The following ASXL2 variants were observed in gnomAD, a reference collection of about 807,000 sequenced individuals.
The protein encoded by ASXL2 is ASXL transcriptional regulator 2.
In ASXL2, 23 loss-of-function variants were observed where a neutral mutation model predicts 122.0. The ratio of observed to expected loss-of-function variants is 0.19; its 90% CI spans 0.14 to 0.27. The LOEUF (loss-of-function observed/expected upper bound fraction) is 0.27, where lower values mean the gene tolerates loss of function less well. Ranked by LOEUF, ASXL2 falls within the 10% of genes least tolerant of loss-of-function variation. The pLI, the probability that ASXL2 is intolerant of heterozygous loss-of-function variation, is 1.00. For synonymous variants in ASXL2, 650 were observed against 637.0 expected, an observed-to-expected ratio of 1.02 and a Z score of -0.31; for missense variants, 1,518 against 1,713.8, an observed-to-expected ratio of 0.89 and a Z score of 2.02.
At chr2:25,845,344 C>A in intron 2 of ASXL2, 137 bp downstream of exon 2, 1 of 1,371,756 alleles carries the variant, frequency 7.3e-7, no homozygotes, top group Non-Finnish European at 9.9e-7. Flanking sequence ...TAAAAAATGC[C>A]AAAGATCTGA....
At chr2:25,767,442 A>T in intron 8 of ASXL2, 141 bp downstream of exon 8, 1 of 835,196 alleles carries the variant, frequency 1.2e-6, no homozygotes, top group African/African-American at 1.7e-5. Context: ...TTATGTTAGC[A>T]ACAAAAAAAA....
Position 25,749,819 on chromosome 2 carries a change from C to T in ASXL2, c.1737G>A (p.Val579=), listed in dbSNP as rs2088008286. Residue 579 remains valine, a synonymous_variant, in exon 12 of 13, where the codon GTG becomes GTA. Coordinates refer to ENST00000435504, the MANE Select transcript of ASXL2 (RefSeq NM_018263.6). The part of the protein sequence containing the change: ...KSSLTQEEAP[V]SWEKRPRVTE... ...TGACACGTGGCCTCTTCTCCCAGCT[C>T]ACAGGGGCCTCTTCTTGGGTGAGGG... is the stretch of plus-strand genomic sequence containing the variant. The T allele has an allele frequency of 6.2e-7, 1 of 1,610,694 alleles. No homozygotes were observed.
Position 25,871,197 on chromosome 2 carries a change from T to C in ASXL2, c.57+6969A>G, listed in dbSNP as rs116244896. Among the ~76,000 whole-genome samples the C allele has an allele frequency of 8.5e-3, 1,293 of 152,010 alleles. 20 individuals carry two copies. Among genetic ancestry groups the C allele is most frequent in the African/African-American group, 0.029 (1,211 of 41,444 alleles). ...GATGTAAAAAGAAAGAATACAGAAA[T>C]AGAGGGGTATTCAGAGTTCTTTTGT... On this transcript the variant is annotated intron_variant, in intron 1 of 12. Coordinates refer to ENST00000435504, the MANE Select transcript of ASXL2 (RefSeq NM_018263.6).
intron 1 of ASXL2, among the ~76,000 whole-genome samples, chr2:25,877,626 C>G (rs1329268206): frequency 6.6e-6 from 1 of 152,138 alleles, no homozygotes; most frequent in African/African-American, 2.4e-5. Flanking sequence ...GCTCCAACAC[C>G]AAACAAAAAC....
intron 8 of ASXL2, among the ~76,000 whole-genome samples, chr2:25,765,921 G>T (rs1192500924): frequency 6.6e-6 from 1 of 152,132 alleles, no homozygotes; most frequent in Non-Finnish European, 1.5e-5. Context: ...GGCACATTCG[G>T]TTTAAATATG....
intron 3 of ASXL2, among the ~76,000 whole-genome samples, chr2:25,828,050 AAG>A (rs2149184876): frequency 6.6e-6 from 1 of 152,320 alleles, no homozygotes; most frequent in South Asian, 2.1e-4. Context: ...GAAAAAAAAA[AAG>A]GAGTCCAGTA....
intron 6 of ASXL2, among the ~76,000 whole-genome samples, chr2:25,769,317 G>A (rs1410492989): frequency 1.3e-5 from 2 of 152,152 alleles, no homozygotes; most frequent in African/African-American, 4.8e-5. Context: ...AACCTATGTA[G>A]AAATGTAAAT....
At chr2:25,814,103 C>T (rs2089206032) in intron 3 of ASXL2, among the ~76,000 whole-genome samples, 1 of 152,056 alleles carries the variant, frequency 6.6e-6, no homozygotes, top group Non-Finnish European at 1.5e-5. Context: ...TAATATTTTC[C>T]TTGCAAATCT....
chr2:25,852,568 G>C (rs999700216), intron 1 of ASXL2, among the ~76,000 whole-genome samples: 3 of 152,168 alleles, frequency 2.0e-5, no homozygotes, highest in African/African-American at 7.2e-5. Flanking sequence ...CTGCCCAAAA[G>C]CTTTAATTAG....
rs1044210095 is a variant in ASXL2 at position 25,735,943 on chromosome 2, G to A, written c.*6086C>T. ...TTCAACCTATCTTGGGAAAAAGGTA[G>A]TATTACTCCTTGAGCCTAGAACTAA... On this transcript the variant is annotated 3_prime_UTR_variant, in exon 13 of 13. Coordinates refer to ENST00000435504, the MANE Select transcript of ASXL2 (RefSeq NM_018263.6). 6.6e-6 allele frequency: 1 copy of A among 152,104 alleles called. No individual in the cohort carries two copies. The highest frequency in any genetic ancestry group is 2.4e-5 in the African/African-American group (1 of 41,418). The allele number at this position is 152,104 out of a possible 1,614,324, so 9.4% of individuals were successfully genotyped here. A position where few individuals can be genotyped will look rare whatever the true frequency, so the allele number is the denominator to read the frequency against.
At position 25,763,622 on chromosome 2, in the gene ASXL2, G is replaced by C. The variant is rs983221886; in HGVS notation, c.775+3961C>G. Among the ~76,000 whole-genome samples, 3 of 152,166 alleles carry C rather than the reference G, an allele frequency of 2.0e-5. No homozygotes were observed. The South Asian group carries it at 6.2e-4, about 32-fold the overall frequency. On this transcript the variant is annotated intron_variant, in intron 8 of 12. Transcript: ENST00000435504. Reference sequence around the variant, plus strand: ...AAAAGGAGGTCTCAGTAAATTTTGAGTAATAGTAGTGCAGTAAGAGCAACA... The same window carrying C: ...AAAAGGAGGTCTCAGTAAATTTTGACTAATAGTAGTGCAGTAAGAGCAACA...
chr2:25,737,507 T>G lies in ASXL2; in HGVS notation c.*4522A>C, dbSNP rs1337999701. Reference sequence around the variant, plus strand: ...ATAAGGAAAATTTAATCAGTTTTACTTAAATTCCAAAAGAAATACACTACC... The same window carrying G: ...ATAAGGAAAATTTAATCAGTTTTACGTAAATTCCAAAAGAAATACACTACC... On this transcript the variant is annotated 3_prime_UTR_variant, in exon 13 of 13. Coordinates refer to ENST00000435504, the MANE Select transcript of ASXL2 (RefSeq NM_018263.6). 1 of 152,176 alleles carries G rather than the reference T, an allele frequency of 6.6e-6. No homozygotes were observed. Among genetic ancestry groups the G allele is most frequent in the Non-Finnish European group, 1.5e-5 (1 of 68,020 alleles). 9.4% of individuals were successfully genotyped at this position (152,176 alleles called of 1,614,324 possible). A position where few individuals can be genotyped will look rare whatever the true frequency, so the allele number is the denominator to read the frequency against.
At chr2:25,767,819 T>G in intron 7 of ASXL2, 93 bp from the exon 8 acceptor site, 1 of 1,428,916 alleles carries the variant, frequency 7.0e-7, no homozygotes. Flanking sequence ...AATGAAGTTA[T>G]GTATGAGGCA....
rs773045725 is a variant in ASXL2 at position 25,744,432 on chromosome 2, C to T, written c.1905G>A (p.Gln635=). ...RISPMPFHPS[Q]VSPRARFPVS... is the part of the protein sequence containing the mutation. ...CTGGAAAACGAGCCCTGGGAGAGAC[C>T]TGCGATGGATGAAACGGCATGGGGG... Residue 635 remains glutamine, a synonymous_variant, in exon 13 of 13, where the codon CAG becomes CAA. Transcript: ENST00000435504. This position sits in a 1 kb window ranked among gnomAD's most constrained non-coding sequence, Gnocchi z 4.7. 6 of 1,612,396 alleles carry T rather than the reference C, an allele frequency of 3.7e-6. No individual in the cohort carries two copies. The highest frequency in any genetic ancestry group is 3.4e-5 in the Admixed American group (2 of 59,532).
intron 4 of ASXL2, among the ~76,000 whole-genome samples, chr2:25,805,572 T>C (rs1452571723): frequency 6.6e-6 from 1 of 152,068 alleles, no homozygotes; most frequent in Non-Finnish European, 1.5e-5. Context: ...GAGAATGTAA[T>C]GTAAAGCATC....
chr2:25,751,078 G>C (rs2088036160), intron 11 of ASXL2, among the ~76,000 whole-genome samples: 1 of 152,196 alleles, frequency 6.6e-6, no homozygotes, highest in Admixed American at 6.5e-5. Context: ...GTTCCATTGA[G>C]ATATCCATAA....
chr2:25,860,365 G>T (rs1176009194), intron 1 of ASXL2, among the ~76,000 whole-genome samples: 1 of 151,860 alleles, frequency 6.6e-6, no homozygotes, highest in Non-Finnish European at 1.5e-5. Flanking sequence ...CAAAGCTTGT[G>T]GGATATAGCA....
At chr2:25,851,745 G>A (rs1235116756) in intron 1 of ASXL2, among the ~76,000 whole-genome samples, 1 of 152,140 alleles carries the variant, frequency 6.6e-6, no homozygotes, top group Non-Finnish European at 1.5e-5. Flanking sequence ...ACAAAAATTA[G>A]CTGGGTATGG....
In ASXL2 at chr2:25,744,395, T is replaced by C. The variant is rs946914398; in HGVS notation, c.1942A>G (p.Ser648Gly). 5 of 1,613,734 alleles carry C rather than the reference T, an allele frequency of 3.1e-6. No homozygotes were observed. The highest frequency in any genetic ancestry group is 4.2e-6 in the Non-Finnish European group (5 of 1,179,872). ...GTTCTGGCTCCTGTTCTGTTAGGAC[T>C]AGTGATGGAGACTGGAAAACGAGCC... is the stretch of plus-strand genomic sequence containing the variant. ...PRARFPVSIT[S>G]PNRTGARTLA... Residue 648 changes from serine to glycine, a missense_variant, in exon 13 of 13, where the codon AGT becomes GGT. Around this residue, in one of 8 missense-constraint regions of ASXL2, gnomAD observed 292 missense variants for 293.5 expected, o/e 1.00. Transcript: ENST00000435504. This position sits in a 1 kb window ranked among gnomAD's most constrained non-coding sequence, Gnocchi z 4.7.
Sources: allele counts gnomAD v4.1 joint callset (sites outside exome capture counted in the v4.1 genomes callset), GRCh38; gene constraint gnomAD v4.1.1; regional missense constraint gnomAD v4.1.1; non-coding constraint Gnocchi (gnomAD v3.1); transcripts MANE v1.5; gene names NCBI Gene and HGNC (gene_info 2026-07-23, HGNC 2026-07-21).